Variants in C12orf42 observed in about 807,000 individuals in gnomAD.
The protein encoded by C12orf42 is uncharacterized protein C12orf42.
C12orf42 carries 25 observed loss-of-function variants against 21.6 expected under a neutral mutation model. That is an observed-to-expected ratio of 1.16 (90% CI 0.84 to 1.62). The LOEUF is 1.62. Among genes scored for constraint, C12orf42 ranks in the 40% most tolerant of loss-of-function variants. C12orf42 has a pLI of 0.00. For synonymous variants in C12orf42, 174 were observed against 175.0 expected, an observed-to-expected ratio of 0.99 and a Z score of 0.05; for missense variants, 483 against 459.3, an observed-to-expected ratio of 1.05 and a Z score of -0.47.
chr12:103,472,178 A>C (rs1022477453), intron 2 of C12orf42, among the ~76,000 whole-genome samples: 3 of 147,062 alleles, frequency 2.0e-5, no homozygotes, highest in Non-Finnish European at 4.4e-5. Flanking sequence ...CCTCAGCCTC[A>C]CGAGTAGCTG....
chr12:103,174,507 G>C, the C12orf42 span, among the ~76,000 whole-genome samples: 1 of 152,170 alleles, frequency 6.6e-6, no homozygotes. Context: ...TGGAGGTAGA[G>C]AGAAGTATAT....
At chr12:103,209,943 A>T in the C12orf42 span, among the ~76,000 whole-genome samples, 28 of 152,222 alleles carry the variant, frequency 1.8e-4, no homozygotes, top group African/African-American at 6.8e-4. Context: ...GTTTAATAAG[A>T]TAAATGGAAT....
chr12:103,052,472 T>C, the C12orf42 span, among the ~76,000 whole-genome samples: 1 of 152,184 alleles, frequency 6.6e-6, no homozygotes, highest in East Asian at 1.9e-4. Flanking sequence ...TAGGATCCCC[T>C]TTTTTTAGGA....
At chr12:103,489,929 G>A (rs1312187086) in intron 1 of C12orf42, among the ~76,000 whole-genome samples, 1 of 152,190 alleles carries the variant, frequency 6.6e-6, no homozygotes, top group East Asian at 1.9e-4. Flanking sequence ...GCCCCGCCCT[G>A]CTTCAGCTCA....
chr12:103,341,590 G>A lies in C12orf42; in HGVS notation c.259+27297C>T, dbSNP rs2042179938. Among the ~76,000 whole-genome samples the A allele has an allele frequency of 3.3e-5, 5 of 152,258 alleles. No homozygotes were observed. The South Asian group carries it at 1.0e-3, about 32-fold the overall frequency. On this transcript the variant is annotated intron_variant, in intron 4 of 5. Coordinates refer to ENST00000548883, the MANE Select transcript of C12orf42 (RefSeq NM_198521.5). ...AGAGACAAAAGAACAGAGAACAAAT[G>A]AGACAAATGAATGCAAATAAGATGA...
In C12orf42 at chr12:103,478,388, T is replaced by C; in HGVS notation, c.39A>G (p.Glu13=). 6.2e-7 allele frequency: 1 copy of C among 1,604,896 alleles called. No individual in the cohort carries two copies. The change falls in exon 2 of 6, where the codon GAA becomes GAG. Residue 13 remains glutamate (E), a synonymous_variant. Coordinates refer to ENST00000548883, the MANE Select transcript of C12orf42 (RefSeq NM_198521.5). ...TVICMKQREE[E]FLLTIRPFAN... ...CAAAAGGTCTGATGGTTAGCAAGAA[T>C]TCTTCTTCCCTTTGTTTCATACATA... is the stretch of plus-strand genomic sequence containing the variant.
the C12orf42 span, among the ~76,000 whole-genome samples, chr12:103,502,108 A>G: frequency 6.6e-6 from 1 of 152,076 alleles, no homozygotes; most frequent in Non-Finnish European, 1.5e-5. Flanking sequence ...CCTGGACCCT[A>G]TCTTCCTCTG....
At chr12:103,471,718 A>T (rs1953622534) in intron 2 of C12orf42, among the ~76,000 whole-genome samples, 1 of 152,246 alleles carries the variant, frequency 6.6e-6, no homozygotes, top group Non-Finnish European at 1.5e-5. Context: ...TAAGAAATGC[A>T]TCTTACATCA....
the C12orf42 span, among the ~76,000 whole-genome samples, chr12:103,168,842 G>A: frequency 6.6e-6 from 1 of 152,058 alleles, no homozygotes; most frequent in African/African-American, 2.4e-5. Context: ...AAAAAAGAAT[G>A]AGTTCATGTC....
At chr12:103,131,687 A>T in the C12orf42 span, among the ~76,000 whole-genome samples, 1 of 152,228 alleles carries the variant, frequency 6.6e-6, no homozygotes, top group African/African-American at 2.4e-5. Flanking sequence ...GGAGTTGGAA[A>T]GTTATAGTCA....
chr12:103,262,238 G>A (rs1035789023), intron 10 of C12orf42: 4 of 152,136 alleles, frequency 2.6e-5, no homozygotes, highest in Non-Finnish European at 5.9e-5. Flanking sequence ...CTTATCCTAA[G>A]GGAACAGTCA....
At chr12:103,524,779 GT>G in the C12orf42 span, among the ~76,000 whole-genome samples, 1 of 152,178 alleles carries the variant, frequency 6.6e-6, no homozygotes, top group Non-Finnish European at 1.5e-5. Context: ...TGCCAAGACA[GT>G]TACAGGACAC....
intron 1 of C12orf42, among the ~76,000 whole-genome samples, chr12:103,486,031 GAAC>G (rs1191161332): frequency 2.0e-5 from 3 of 152,218 alleles, no homozygotes; most frequent in African/African-American, 7.2e-5. Flanking sequence ...TGGTGACAGA[GAAC>G]ATCCTTGTCT....
the C12orf42 span, among the ~76,000 whole-genome samples, chr12:103,197,391 G>A: frequency 5.9e-5 from 9 of 152,134 alleles, no homozygotes; most frequent in African/African-American, 2.2e-4. Flanking sequence ...CTTGTAGTGA[G>A]TTTGTTTTAG....
At chr12:103,338,908 GAC>G (rs1455771526) in intron 4 of C12orf42, among the ~76,000 whole-genome samples, 2 of 152,110 alleles carry the variant, frequency 1.3e-5, no homozygotes, top group Non-Finnish European at 2.9e-5. Flanking sequence ...CTTCTGTTAT[GAC>G]ACAGACACCT....
At chr12:103,266,312 T>C (rs2035167993), downstream of C12orf42, among the ~76,000 whole-genome samples, 1 of 152,184 alleles carries the variant, frequency 6.6e-6, no homozygotes, top group Non-Finnish European at 1.5e-5. Flanking sequence ...TATTTATATC[T>C]GTATCTTTAT....
chr12:103,092,818 C>A, the C12orf42 span, among the ~76,000 whole-genome samples: 5 of 151,496 alleles, frequency 3.3e-5, no homozygotes, highest in South Asian at 1.0e-3. Flanking sequence ...AGTGGCCAAA[C>A]CCTTTTCCTC....
intron 5 of C12orf42, chr12:103,273,749 G>A (rs1441060355): frequency 2.3e-5 from 10 of 435,260 alleles, no homozygotes; most frequent in African/African-American, 1.4e-4. Context: ...AAAGGAGGAG[G>A]AGAAAGAGAA....
chr12:103,452,841 A>T (rs1952037303), intron 2 of C12orf42, among the ~76,000 whole-genome samples: 1 of 151,826 alleles, frequency 6.6e-6, no homozygotes, highest in African/African-American at 2.4e-5. Context: ...ACACTTGGAC[A>T]CAGGAAGAGG....
Sources: gnomAD v4.1 joint callset for allele counts (sites outside exome capture counted in the v4.1 genomes callset) on GRCh38, gnomAD v4.1.1 for gene constraint, MANE v1.5 for transcripts, NCBI Gene and HGNC (gene_info 2026-07-23, HGNC 2026-07-21) for gene names.